ADAMTS6: variants seen among roughly 807,000 people sequenced by gnomAD.
ADAMTS6 encodes A disintegrin and metalloproteinase with thrombospondin motifs 6.
ADAMTS6 carries 23 observed loss-of-function variants against 144.3 expected under a neutral mutation model. The observed-to-expected ratio is 0.16, with a 90% CI of 0.11 to 0.23. The LOEUF (loss-of-function observed/expected upper bound fraction) is 0.23. ADAMTS6 is among the 10% of genes least tolerant of loss of function. The pLI is 1.00. For synonymous variants in ADAMTS6, 444 were observed against 457.5 expected, an observed-to-expected ratio of 0.97 and a Z score of 0.38; for missense variants, 999 against 1,379.6, an observed-to-expected ratio of 0.72 and a Z score of 4.37.
chr5:65,172,966 G>A lies in ADAMTS6; in HGVS notation c.2953C>T (p.Leu985=). 6.2e-7 allele frequency: 1 copy of A among 1,614,188 alleles called. No homozygotes were observed. Among genetic ancestry groups the A allele is most frequent in the Non-Finnish European group, 8.5e-7 (1 of 1,180,030 alleles). ...CGPGFKHRIV[L]CKSSDLSKTF... is the part of the protein sequence containing the mutation. ...TTAGAAAGGTCACTGCTCTTGCACA[G>A]AACAATCCGATGCTTGAATCCTGGA... Residue 985 remains leucine, a synonymous_variant, in exon 23 of 25, where the codon CTG becomes TTG. Transcript: ENST00000381055.
intron 3 of ADAMTS6, among the ~76,000 whole-genome samples, chr5:65,469,785 A>G (rs1271044906): frequency 1.3e-5 from 2 of 152,228 alleles, no homozygotes; most frequent in African/African-American, 4.8e-5. Context: ...AACTCGAATT[A>G]TAGTTATTTT....
At chr5:65,268,934 T>C (rs1487109959) in intron 12 of ADAMTS6, among the ~76,000 whole-genome samples, 2 of 152,214 alleles carry the variant, frequency 1.3e-5, no homozygotes, top group Non-Finnish European at 2.9e-5. Context: ...AAAAGATTTA[T>C]TCAGAAAACT....
rs574799671 is a variant in ADAMTS6 at position 65,405,369 on chromosome 5, G to T, written c.1073+46106C>A. Among the ~76,000 whole-genome samples the T allele has an allele frequency of 1.6e-3, 237 of 152,234 alleles. 2 individuals are homozygous for T. Among genetic ancestry groups the T allele is most frequent in the Middle Eastern group, 0.014 (4 of 294 alleles). Reference sequence around the variant, plus strand: ...AGTTTCAGCTTTCTACATATGGCTAGCCAGTTTTCCCAGCACCATTTACTA... The same window carrying T: ...AGTTTCAGCTTTCTACATATGGCTATCCAGTTTTCCCAGCACCATTTACTA... On this transcript the variant is annotated intron_variant, in intron 7 of 24. Transcript: ENST00000381055.
At chr5:65,198,325 C>CTT (rs35433130) in intron 20 of ADAMTS6, among the ~76,000 whole-genome samples, 3 of 149,336 alleles carry the variant, frequency 2.0e-5, no homozygotes, top group Non-Finnish European at 3.0e-5. Context: ...AGTTGTTTTT[C>CTT]TTTTTTTTTT....
At chr5:65,427,456 T>G (rs1756638852) in intron 7 of ADAMTS6, among the ~76,000 whole-genome samples, 1 of 151,962 alleles carries the variant, frequency 6.6e-6, no homozygotes, top group Admixed American at 6.6e-5. Context: ...AATATATTAT[T>G]TGGTATACAG....
intron 22 of ADAMTS6, among the ~76,000 whole-genome samples, chr5:65,183,694 C>A (rs556857688): frequency 6.6e-6 from 1 of 151,904 alleles, no homozygotes; most frequent in Non-Finnish European, 1.5e-5. Flanking sequence ...AGATGAGCCA[C>A]GGTTACGTAT....
chr5:65,285,886 CAG>C (rs1239597416), intron 11 of ADAMTS6, among the ~76,000 whole-genome samples: 1 of 152,106 alleles, frequency 6.6e-6, no homozygotes, highest in Non-Finnish European at 1.5e-5. Context: ...TAATGTGAAA[CAG>C]AGTAACTGAG....
intron 7 of ADAMTS6, among the ~76,000 whole-genome samples, chr5:65,423,702 A>C (rs1467759119): frequency 6.6e-6 from 1 of 152,156 alleles, no homozygotes; most frequent in Non-Finnish European, 1.5e-5. Context: ...AAGAATAAAC[A>C]AAAGTATGAC....
At chr5:65,268,947 G>A (rs1371197556) in intron 12 of ADAMTS6, among the ~76,000 whole-genome samples, 5 of 152,148 alleles carry the variant, frequency 3.3e-5, no homozygotes, top group Non-Finnish European at 7.4e-5. Flanking sequence ...AGAAAACTAT[G>A]AGCAGCTTTG....
chr5:65,399,233 G>A (rs1286373819), intron 7 of ADAMTS6, among the ~76,000 whole-genome samples: 2 of 152,232 alleles, frequency 1.3e-5, no homozygotes, highest in East Asian at 3.8e-4. Flanking sequence ...TCCAGCCTGA[G>A]CCACAGAATG....
At chr5:65,276,493 T>C (rs534077600) in intron 11 of ADAMTS6, among the ~76,000 whole-genome samples, 1 of 152,314 alleles carries the variant, frequency 6.6e-6, no homozygotes, top group East Asian at 1.9e-4. Flanking sequence ...CTTTTTTTTC[T>C]TTTAAAGGAT....
intron 12 of ADAMTS6, among the ~76,000 whole-genome samples, chr5:65,271,214 C>A (rs1335724383): frequency 6.6e-6 from 1 of 151,566 alleles, no homozygotes; most frequent in Non-Finnish European, 1.5e-5. Flanking sequence ...GTGGTGAAAC[C>A]CCATCTCTAC....
At chr5:65,461,777 T>C (rs1759657143) in intron 3 of ADAMTS6, among the ~76,000 whole-genome samples, 1 of 152,194 alleles carries the variant, frequency 6.6e-6, no homozygotes, top group Non-Finnish European at 1.5e-5. Context: ...TATTAATCTA[T>C]ATATTAAGTT....
At chr5:65,369,313 A>T (rs1750616015) in intron 7 of ADAMTS6, among the ~76,000 whole-genome samples, 1 of 152,228 alleles carries the variant, frequency 6.6e-6, no homozygotes, top group Admixed American at 6.5e-5. Context: ...TTTTATGTAG[A>T]GCTGGCTAGG....
In ADAMTS6 at chr5:65,405,934, T is replaced by G. The variant is rs1754427413; in HGVS notation, c.1073+45541A>C. Among the ~76,000 whole-genome samples, 3 of 152,228 alleles carry G rather than the reference T, an allele frequency of 2.0e-5. No homozygotes were observed. In the South Asian group the frequency reaches 6.2e-4, roughly 32 times the overall value. ...TTGTGAATGGGAGTTCACTCATGAT[T>G]TGGCTCTGTGTTAGTCTGTTATTGG... On this transcript the variant is annotated intron_variant, in intron 7 of 24. Coordinates refer to ENST00000381055, the MANE Select transcript of ADAMTS6 (RefSeq NM_197941.4).
At chr5:65,312,154 T>G (rs1744554733) in intron 9 of ADAMTS6, among the ~76,000 whole-genome samples, 1 of 152,006 alleles carries the variant, frequency 6.6e-6, no homozygotes, top group Non-Finnish European at 1.5e-5. Flanking sequence ...CTCATGCTGT[T>G]TAATATGATT....
intron 7 of ADAMTS6, among the ~76,000 whole-genome samples, chr5:65,446,313 C>T (rs1758267457): frequency 6.6e-6 from 1 of 152,072 alleles, no homozygotes; most frequent in Non-Finnish European, 1.5e-5. Context: ...CAAATTTTAA[C>T]AATAAACCAT....
rs571336342 is a variant in ADAMTS6, at chr5:65,172,732, C to T, written c.3087+100G>A. ...ATACTTAGACTTCTACGTGTTAATT[C>T]TTACTCATCTCTCAAGCCCTTACAA... On this transcript the variant is annotated intron_variant, in intron 23 of 24. Transcript: ENST00000381055. 4.4e-6 allele frequency: 6 copies of T among 1,375,174 alleles called. No homozygotes were observed. The East Asian group carries it at 1.2e-4, about 26-fold the overall frequency. The allele number at this position is 1,375,174 out of a possible 1,614,324, so 85.2% of individuals were successfully genotyped here.
At position 65,345,226 on chromosome 5, in the gene ADAMTS6, C is replaced by A. The variant is rs74610458; in HGVS notation, c.1074-11141G>T. 7.9e-3 allele frequency among the ~76,000 whole-genome samples: 1,201 copies of A among 151,728 alleles called. 13 individuals carry two copies. Among genetic ancestry groups the A allele is most frequent in the African/African-American group, 0.027 (1,133 of 41,470 alleles). On this transcript the variant is annotated intron_variant, in intron 7 of 24. Coordinates refer to ENST00000381055, the MANE Select transcript of ADAMTS6 (RefSeq NM_197941.4). Reference sequence around the variant, plus strand: ...TCCTTAATTTCCAGTAATCTAATAACCTTCCAATTTCCACTCCCTATTTCC... The same window carrying A: ...TCCTTAATTTCCAGTAATCTAATAAACTTCCAATTTCCACTCCCTATTTCC...
Sources: gnomAD v4.1 joint callset for allele counts (sites outside exome capture counted in the v4.1 genomes callset) on GRCh38, gnomAD v4.1.1 for gene constraint, MANE v1.5 for transcripts, NCBI Gene and HGNC (gene_info 2026-07-23, HGNC 2026-07-21) for gene names.